Variants in PTK7 observed in about 807,000 individuals in gnomAD.
PTK7 encodes the protein inactive tyrosine-protein kinase 7.
PTK7 carries 39 observed loss-of-function variants against 116.6 expected under a neutral mutation model. The ratio of observed to expected loss-of-function variants is 0.33; its 90% confidence interval spans 0.26 to 0.44. The LOEUF (loss-of-function observed/expected upper bound fraction) is 0.44, where lower values mean the gene tolerates loss of function less well. PTK7 is among the 20% of genes least tolerant of loss of function. The pLI is 1.00. For synonymous variants in PTK7, 546 were observed against 563.6 expected (o/e 0.97, Z 0.44); for missense variants, 1,169 against 1,425.6 (o/e 0.82, Z 2.90).
chr6:43,077,994 T>C (rs775732746), intron 1 of PTK7, among the ~76,000 whole-genome samples: 2 of 152,222 alleles, frequency 1.3e-5, no homozygotes, highest in African/African-American at 2.4e-5. Flanking sequence ...GGAAGTTTTT[T>C]TGCACAGCCA....
chr6:43,078,545 T>C (rs548162274), intron 1 of PTK7, among the ~76,000 whole-genome samples: 35 of 152,232 alleles, frequency 2.3e-4, no homozygotes, highest in African/African-American at 8.2e-4. Context: ...GGTTTTTTAA[T>C]AGATCACAGT....
chr6:43,138,020 A>T (rs1260159359), intron 7 of PTK7, among the ~76,000 whole-genome samples: 1 of 151,844 alleles, frequency 6.6e-6, no homozygotes, highest in Non-Finnish European at 1.5e-5. Flanking sequence ...TGTTGGCCAG[A>T]CTGGTTTTGA....
intron 1 of PTK7, among the ~76,000 whole-genome samples, chr6:43,092,780 TG>T (rs990152607): frequency 2.6e-5 from 4 of 152,184 alleles, no homozygotes; most frequent in Non-Finnish European, 4.4e-5. Context: ...GATGGTTATC[TG>T]TGGAGGTTAT....
intron 1 of PTK7, among the ~76,000 whole-genome samples, chr6:43,097,715 G>A (rs868137823): frequency 6.6e-6 from 1 of 152,206 alleles, no homozygotes; most frequent in Non-Finnish European, 1.5e-5. Context: ...GAGATGGCCA[G>A]ATAACCCAGG....
intron 7 of PTK7, among the ~76,000 whole-genome samples, chr6:43,134,922 C>T (rs1177058430): frequency 6.6e-6 from 1 of 151,832 alleles, no homozygotes; most frequent in African/African-American, 2.4e-5. Context: ...TGTACTGGAG[C>T]CTGGATGACA....
intron 17 of PTK7, among the ~76,000 whole-genome samples, chr6:43,149,059 C>CAAAA (rs59033917): frequency 0.05 from 3,471 of 69,782 alleles, 84 homozygotes; most frequent in Non-Finnish European, 0.07. Flanking sequence ...GACTTTGTCT[C>CAAAA]AAAAAAAAAA....
chr6:43,097,118 T>A lies in PTK7; in HGVS notation c.79+20551T>A, dbSNP rs146782624. Among the ~76,000 whole-genome samples the A allele has an allele frequency of 3.8e-4, 58 of 152,338 alleles. No individual in the cohort carries two copies. The East Asian group carries it at 6.4e-3, about 17-fold the overall frequency. ...GAAAACACACACTTACAATTCATTA[T>A]TTAGCCTCCTCCTGCGCGGTTGCTT... is the stretch of plus-strand genomic sequence containing the variant. On this transcript the variant is annotated intron_variant, in intron 1 of 19. Transcript: ENST00000230419.
chr6:43,116,603 TTTGTGTG>T (rs1335680063), intron 1 of PTK7, among the ~76,000 whole-genome samples: 1,569 of 126,238 alleles, frequency 0.012, 35 homozygotes, highest in African/African-American at 0.047. Context: ...GAAAAGCTGG[TTTGTGTG>T]TGTGTGTGTG....
At chr6:43,158,126 G>A (rs571979683) in intron 17 of PTK7, among the ~76,000 whole-genome samples, 39 of 151,912 alleles carry the variant, frequency 2.6e-4, no homozygotes, top group African/African-American at 8.0e-4. Context: ...GTGAAACCTC[G>A]TCTCTACTAA....
rs138743603 is a variant in PTK7 at position 43,119,573 on chromosome 6, C to T, written c.80-9404C>T. Among the ~76,000 whole-genome samples the T allele has an allele frequency of 3.9e-3, 587 of 152,302 alleles. 3 individuals carry two copies. Among genetic ancestry groups the T allele is most frequent in the African/African-American group, 0.014 (569 of 41,558 alleles). ...CTCCAGTGAATGGCTGTTGAGCCCA[C>T]AGCAAATCTCTTCCCATCTTCCCTG... is the stretch of plus-strand genomic sequence containing the variant. On this transcript the variant is annotated intron_variant, in intron 1 of 19. Coordinates refer to ENST00000230419, the MANE Select transcript of PTK7 (RefSeq NM_002821.5).
chr6:43,110,878 T>C (rs571059252), intron 1 of PTK7, among the ~76,000 whole-genome samples: 57 of 152,368 alleles, frequency 3.7e-4, no homozygotes, highest in Admixed American at 5.2e-4. Context: ...TAGCATAGAC[T>C]TTCCAGGCCT....
At position 43,160,578 on chromosome 6, in the gene PTK7, G is replaced by A. The variant is rs541246829; in HGVS notation, c.3053-143G>A. 2.3e-5 allele frequency: 24 copies of A among 1,037,198 alleles called. 1 individual carries two copies. Among genetic ancestry groups the A allele is most frequent in the East Asian group, 1.5e-4 (6 of 40,856 alleles). 64.2% of individuals were successfully genotyped at this position (1,037,198 alleles called of 1,614,324 possible). ...GGGGCCAGGGGAGTCATCTTTTTCC[G>A]TTGCGGGTACCCACCTGCCGCTGGC... On this transcript the variant is annotated intron_variant, in intron 19 of 19. Coordinates refer to ENST00000230419, the MANE Select transcript of PTK7 (RefSeq NM_002821.5).
In PTK7 at chr6:43,143,492, CGGTG is replaced by C; in HGVS notation, c.2128_2131del (p.Gly710ProfsTer59). ...AAGATGATCCAGACCATTGGGTTGT[CGGTG>C]GGTGCCGCTGTGGCCTACATCATTG... On this transcript the variant is annotated frameshift_variant, in exon 14 of 20. Coordinates refer to ENST00000230419, the MANE Select transcript of PTK7 (RefSeq NM_002821.5). LOFTEE classifies it high-confidence loss of function. The surrounding 1 kb of genome is among the most constrained non-coding windows in gnomAD (Gnocchi z 4.2). 1.2e-6 allele frequency: 2 copies of C among 1,614,048 alleles called. No homozygotes were observed. Among genetic ancestry groups the C allele is most frequent in the Non-Finnish European group, 1.7e-6 (2 of 1,179,976 alleles).
intron 1 of PTK7, among the ~76,000 whole-genome samples, chr6:43,119,756 T>C (rs1768849262): frequency 6.6e-6 from 1 of 152,176 alleles, no homozygotes; most frequent in Non-Finnish European, 1.5e-5. Context: ...TTCTGCAGGC[T>C]CCTCACTGGC....
chr6:43,079,830 A>G (rs1766267933), intron 1 of PTK7, among the ~76,000 whole-genome samples: 1 of 147,044 alleles, frequency 6.8e-6, no homozygotes, highest in African/African-American at 2.5e-5. Flanking sequence ...AGGCAGAGGG[A>G]GGAGGATCGC....
chr6:43,152,036 A>G (rs1038756699), intron 17 of PTK7, among the ~76,000 whole-genome samples: 3 of 150,716 alleles, frequency 2.0e-5, no homozygotes, highest in Non-Finnish European at 4.4e-5. Context: ...TTTAGTAGAG[A>G]CGGGGTTTCA....
Position 43,076,627 on chromosome 6 carries a change from A to G in PTK7, c.79+60A>G. 1 of 1,510,930 alleles carries G rather than the reference A, an allele frequency of 6.6e-7. No homozygotes were observed. The highest frequency in any genetic ancestry group is 8.9e-7 in the Non-Finnish European group (1 of 1,128,322). 93.6% of individuals were successfully genotyped at this position (1,510,930 alleles called of 1,614,324 possible). A position where few individuals can be genotyped will look rare whatever the true frequency, so the allele number is the denominator to read the frequency against. ...GAAGCGCGGGAGTCCCGTGGGCAAA[A>G]GGCTGCGCCCGGGGCGGTGGGTTTG... On this transcript the variant is annotated intron_variant, in intron 1 of 19. Coordinates refer to ENST00000230419, the MANE Select transcript of PTK7 (RefSeq NM_002821.5). The surrounding 1 kb of genome is among the most constrained non-coding windows in gnomAD (Gnocchi z 5.7).
chr6:43,089,202 CTT>C (rs1018169407), intron 1 of PTK7, among the ~76,000 whole-genome samples: 13 of 152,194 alleles, frequency 8.5e-5, no homozygotes, highest in Admixed American at 7.9e-4. Context: ...GTGTATCTCT[CTT>C]TGGCTGAACC....
chr6:43,089,952 G>A (rs1025845695), intron 1 of PTK7, among the ~76,000 whole-genome samples: 4 of 152,254 alleles, frequency 2.6e-5, no homozygotes, highest in Admixed American at 2.6e-4. Flanking sequence ...AGGCTGGGGT[G>A]CTCTCAGGGG....
Sources: allele counts gnomAD v4.1 joint callset (sites outside exome capture counted in the v4.1 genomes callset), GRCh38; gene constraint gnomAD v4.1.1; non-coding constraint Gnocchi (gnomAD v3.1); transcripts MANE v1.5; gene names NCBI Gene and HGNC (gene_info 2026-07-23, HGNC 2026-07-21).